The following SLC35A1 variants were observed in gnomAD, a reference collection of about 807,000 sequenced individuals.
The protein encoded by SLC35A1 is CMP-sialic acid transporter.
Under a neutral mutation model 40.3 loss-of-function variants are expected in SLC35A1, and 21 were observed. The observed-to-expected ratio is 0.52, with a 90% CI of 0.37 to 0.75. The LOEUF (loss-of-function observed/expected upper bound fraction) is 0.75, where lower values mean the gene tolerates loss of function less well. SLC35A1 is among the 30% of genes least tolerant of loss of function. The pLI, the probability that SLC35A1 is intolerant of heterozygous loss-of-function variation, is 0.00. For synonymous variants in SLC35A1, 146 were observed against 147.3 expected (o/e 0.99, Z 0.06); for missense variants, 297 against 382.1 (o/e 0.78, Z 1.86).
At chr6:87,506,361 C>A in intron 4 of SLC35A1, 21 bp from the exon 5 acceptor site, 1 of 1,598,070 alleles carries the variant, frequency 6.3e-7, no homozygotes, top group Non-Finnish European at 8.6e-7. Flanking sequence ...CTAAAAATAA[C>A]TTTAACAATT....
At chr6:87,493,250 C>T (rs535115506) in intron 2 of SLC35A1, among the ~76,000 whole-genome samples, 1 of 152,156 alleles carries the variant, frequency 6.6e-6, no homozygotes, top group Admixed American at 6.5e-5. Flanking sequence ...TATCTTGTTA[C>T]AGGCTTTTCT....
At chr6:87,482,612 C>T (rs1769276214) in intron 2 of SLC35A1, among the ~76,000 whole-genome samples, 3 of 152,144 alleles carry the variant, frequency 2.0e-5, no homozygotes, top group Admixed American at 6.5e-5. Context: ...GTGGCTTTTT[C>T]CCTCAGTCAC....
At chr6:87,507,849 G>T (rs1181655802) in intron 5 of SLC35A1, among the ~76,000 whole-genome samples, 2 of 117,398 alleles carry the variant, frequency 1.7e-5, no homozygotes, top group African/African-American at 5.1e-5. Context: ...TTATCCAGTT[G>T]GGGAGTTCAT....
chr6:87,499,966 G>C (rs1334215984), intron 2 of SLC35A1, among the ~76,000 whole-genome samples: 1 of 152,144 alleles, frequency 6.6e-6, no homozygotes, highest in East Asian at 1.9e-4. Context: ...GCTTGGTGTG[G>C]TGGTGGGTGC....
chr6:87,500,645 A>G lies in SLC35A1; in HGVS notation c.332A>G (p.Asn111Ser). The part of the protein sequence containing the change: ...QNNMAFLALS[N>S]LDAAVYQVTY... ...AACATGGCTTTCCTAGCTCTTAGCA[A>G]TCTGGATGCAGCAGTGTACCAGGTA... The change falls in exon 3 of 8, where the codon AAT becomes AGT. Residue 111 changes from asparagine (N) to serine (S), a missense_variant. By Grantham distance (46) the Asn-to-Ser change is conservative. Transcript: ENST00000369552. 6.2e-7 allele frequency: 1 copy of G among 1,614,192 alleles called. No individual in the cohort carries two copies. Among genetic ancestry groups the G allele is most frequent in the Non-Finnish European group, 8.5e-7 (1 of 1,180,024 alleles).
At chr6:87,494,453 C>T (rs1435316024) in intron 2 of SLC35A1, among the ~76,000 whole-genome samples, 7 of 144,882 alleles carry the variant, frequency 4.8e-5, no homozygotes, top group South Asian at 2.2e-4. Flanking sequence ...GACAGAGTCT[C>T]GCTCTGTTGC....
chr6:87,482,881 A>G (rs1341134609), intron 2 of SLC35A1, among the ~76,000 whole-genome samples: 1 of 152,226 alleles, frequency 6.6e-6, no homozygotes, highest in Non-Finnish European at 1.5e-5. Flanking sequence ...GGTTTCCTCT[A>G]AAAGTTATTT....
intron 2 of SLC35A1, among the ~76,000 whole-genome samples, chr6:87,488,917 A>C (rs1582176534): frequency 6.6e-6 from 1 of 152,264 alleles, no homozygotes; most frequent in Admixed American, 6.5e-5. Flanking sequence ...ATAACCAGGT[A>C]GTCCTTTTTG....
intron 2 of SLC35A1, among the ~76,000 whole-genome samples, chr6:87,484,262 A>G (rs1253935650): frequency 6.6e-6 from 1 of 152,200 alleles, no homozygotes; most frequent in Admixed American, 6.5e-5. Context: ...CTCACAAGAG[A>G]GAACCAGAGA....
At chr6:87,482,823 T>G (rs146504437) in intron 2 of SLC35A1, among the ~76,000 whole-genome samples, 44 of 135,628 alleles carry the variant, frequency 3.2e-4, no homozygotes, top group African/African-American at 1.2e-3. Flanking sequence ...GTAAGTTACC[T>G]TTTTGTCTTA....
At chr6:87,500,749 ATTT>A (rs34275744) in intron 3 of SLC35A1, 82 bp downstream of exon 3, 639 of 1,108,540 alleles carry the variant, frequency 5.8e-4, no homozygotes, top group Middle Eastern at 1.2e-3. Flanking sequence ...CATATTATCA[ATTT>A]TTTTTTTTTT....
chr6:87,474,087 G>A (rs1377937857), intron 1 of SLC35A1, among the ~76,000 whole-genome samples: 1 of 152,120 alleles, frequency 6.6e-6, no homozygotes, highest in Non-Finnish European at 1.5e-5. Context: ...AAAAGAAAAA[G>A]AAATAGAATT....
At chr6:87,481,560 A>G (rs1383226855) in intron 2 of SLC35A1, among the ~76,000 whole-genome samples, 2 of 152,176 alleles carry the variant, frequency 1.3e-5, no homozygotes, top group African/African-American at 4.8e-5. Flanking sequence ...ACACCATTTT[A>G]TATTTGACAG....
Position 87,472,982 on chromosome 6 carries a change from C to A in SLC35A1, c.-22C>A. ...GCGCGGAGGGGGCGGGCGTCAGTTC[C>A]GCGGGGGGCTGTCGGGGAACCATGG... On this transcript the variant is annotated 5_prime_UTR_variant, in exon 1 of 8. Transcript: ENST00000369552. 1 of 662,754 alleles carries A rather than the reference C, an allele frequency of 1.5e-6. No homozygotes were observed. The highest frequency in any genetic ancestry group is 2.3e-6 in the Non-Finnish European group (1 of 429,072). 41.1% of individuals were successfully genotyped at this position (662,754 alleles called of 1,614,324 possible). A position where few individuals can be genotyped will look rare whatever the true frequency, so the allele number is the denominator to read the frequency against.
At chr6:87,502,382 G>A (rs2300909) in intron 4 of SLC35A1, among the ~76,000 whole-genome samples, 92,646 of 152,038 alleles carry the variant, frequency 0.61, 29,032 homozygotes, top group African/African-American at 0.75. Flanking sequence ...AACAAAGAAT[G>A]TAAGTTCAGG....
intron 2 of SLC35A1, among the ~76,000 whole-genome samples, chr6:87,484,473 T>C (rs1376475722): frequency 6.6e-6 from 1 of 152,216 alleles, no homozygotes; most frequent in African/African-American, 2.4e-5. Flanking sequence ...GGGGGTCTTA[T>C]TCCTGATGCA....
intron 1 of SLC35A1, among the ~76,000 whole-genome samples, chr6:87,473,323 C>G (rs1768972526): frequency 6.6e-6 from 1 of 151,794 alleles, no homozygotes. Flanking sequence ...TGCGGCGGAC[C>G]CGGAGAGAGG....
chr6:87,500,470 C>T (rs1291240404), intron 2 of SLC35A1, 38 bp from the exon 3 acceptor site: 1 of 1,604,850 alleles, frequency 6.2e-7, no homozygotes, highest in Admixed American at 1.7e-5. Context: ...TAATTTTCTT[C>T]CTTACCACCC....
intron 1 of SLC35A1, among the ~76,000 whole-genome samples, chr6:87,473,229 C>T (rs548068665): frequency 9.2e-5 from 14 of 152,302 alleles, no homozygotes; most frequent in African/African-American, 3.4e-4. Flanking sequence ...CGGCTGACTC[C>T]GCGCTGGGCA....
Sources: allele counts gnomAD v4.1 joint callset (sites outside exome capture counted in the v4.1 genomes callset), GRCh38; gene constraint gnomAD v4.1.1; transcripts MANE v1.5; gene names NCBI Gene and HGNC (gene_info 2026-07-23, HGNC 2026-07-21).